VAV2: variants seen among roughly 807,000 people sequenced by gnomAD.
The protein encoded by VAV2 is guanine nucleotide exchange factor VAV2.
In VAV2, 67 loss-of-function variants were observed where a neutral mutation model predicts 132.5. The ratio of observed to expected loss-of-function variants is 0.51; its 90% confidence interval spans 0.42 to 0.62. The LOEUF (loss-of-function observed/expected upper bound fraction) is 0.62, where lower values mean the gene tolerates loss of function less well. Among genes scored for constraint, VAV2 ranks in the 20% least tolerant of loss-of-function variants. VAV2 has a pLI of 0.00. For missense variants in VAV2, 938 were observed against 1,153.6 expected (o/e 0.81, Z 2.71); for synonymous variants, 492 against 443.5 (o/e 1.11, Z -1.37).
At chr9:133,888,267 G>A (rs866631003) in intron 2 of VAV2, among the ~76,000 whole-genome samples, 5 of 152,370 alleles carry the variant, frequency 3.3e-5, no homozygotes, top group Middle Eastern at 3.4e-3. Flanking sequence ...AGCAGTTCGG[G>A]AGACGGACGG....
At chr9:133,798,764 G>A (rs1289251866) in intron 9 of VAV2, among the ~76,000 whole-genome samples, 2 of 152,204 alleles carry the variant, frequency 1.3e-5, no homozygotes, top group African/African-American at 4.8e-5. Flanking sequence ...TGACTTTTTT[G>A]CCCATTTGTA....
intron 1 of VAV2, among the ~76,000 whole-genome samples, chr9:133,967,981 CT>C (rs1842203772): frequency 6.8e-6 from 1 of 147,048 alleles, no homozygotes; most frequent in Non-Finnish European, 1.5e-5. Context: ...TGATGTCTCT[CT>C]CATATGTTAA....
chr9:133,841,214 C>A (rs1490189709), intron 3 of VAV2, among the ~76,000 whole-genome samples: 1 of 151,962 alleles, frequency 6.6e-6, no homozygotes, highest in Non-Finnish European at 1.5e-5. Flanking sequence ...GGAGCACGAC[C>A]GCTTGTTGGT....
Position 133,802,210 on chromosome 9 carries a change from C to A in VAV2, c.836+3871G>T, listed in dbSNP as rs889217840. 7.9e-5 allele frequency among the ~76,000 whole-genome samples: 12 copies of A among 152,060 alleles called. No homozygotes were observed. Among genetic ancestry groups the A allele is most frequent in the Admixed American group, 6.6e-4 (10 of 15,262 alleles). ...AAAAGTTTACAGGCCTTAATTCTAA[C>A]CACATTTACTACTGTTAAGAAAAAG... On this transcript the variant is annotated intron_variant, in intron 9 of 29. Transcript: ENST00000371850. The surrounding 1 kb of genome is among the most constrained non-coding windows in gnomAD (Gnocchi z 5.8).
chr9:133,785,874 G>A lies in VAV2; in HGVS notation c.1434C>T (p.Gly478=), dbSNP rs1834196550. The change falls in exon 17 of 30, where the codon GGC becomes GGT. Residue 478 remains glycine (G), a synonymous_variant. Transcript: ENST00000371850. ...TTCCTTGAAGGTGAATTAGGTAGAA[G>A]CCGTAGGACCACTGCAGGGGGGAGA... ...KKSHGKMWSY[G]FYLIHLQGKQ... The A allele has an allele frequency of 5.0e-6, 8 of 1,613,542 alleles. No homozygotes were observed. The highest frequency in any genetic ancestry group is 1.7e-5 in the Admixed American group (1 of 59,964).
intron 2 of VAV2, among the ~76,000 whole-genome samples, chr9:133,911,962 C>T (rs762229703): frequency 2.0e-5 from 3 of 152,184 alleles, no homozygotes; most frequent in Non-Finnish European, 2.9e-5. Flanking sequence ...CAGGGGTACA[C>T]GTGCAGGATG....
intron 2 of VAV2, among the ~76,000 whole-genome samples, chr9:133,864,006 G>A (rs1031179120): frequency 2.0e-5 from 3 of 152,212 alleles, no homozygotes; most frequent in African/African-American, 7.2e-5. Context: ...GACAGACAGA[G>A]AGCTGGGTGT....
chr9:133,932,964 T>C (rs933907978), intron 2 of VAV2, among the ~76,000 whole-genome samples: 1 of 152,182 alleles, frequency 6.6e-6, no homozygotes, highest in African/African-American at 2.4e-5. Context: ...AAGGAAACCC[T>C]CTACACCTGT....
chr9:133,932,339 TCA>T (rs1377089149), intron 2 of VAV2, among the ~76,000 whole-genome samples: 1 of 152,164 alleles, frequency 6.6e-6, no homozygotes, highest in East Asian at 1.9e-4. Flanking sequence ...GACTCACCCT[TCA>T]CGCTCGGCCA....
intron 3 of VAV2, among the ~76,000 whole-genome samples, chr9:133,852,180 C>T (rs529460666): frequency 3.3e-5 from 5 of 150,348 alleles, no homozygotes; most frequent in South Asian, 2.1e-4. Flanking sequence ...GTAGATGTAG[C>T]GATGAGGGGA....
At position 133,777,446 on chromosome 9, in the gene VAV2, G is replaced by A; in HGVS notation, c.1908C>T (p.Thr636=). 6.2e-7 allele frequency: 1 copy of A among 1,613,718 alleles called. No homozygotes were observed. The highest frequency in any genetic ancestry group is 8.5e-7 in the Non-Finnish European group (1 of 1,180,012). The change falls in exon 23 of 30, where the codon ACC becomes ACT. Residue 636 remains threonine (T), a synonymous_variant. Coordinates refer to ENST00000371850, the MANE Select transcript of VAV2 (RefSeq NM_001134398.2). ...SPWWEGRLVQ[T]RKSGYFPSSS... ...AGCTGGGGAAATACCCTGACTTCCTGGTTTGTACCAGACGACCCTGGCAGA... is the reference window on the plus strand; with the variant it reads ...AGCTGGGGAAATACCCTGACTTCCTAGTTTGTACCAGACGACCCTGGCAGA...
At chr9:133,772,108 G>T in intron 25 of VAV2, 62 bp from the exon 26 acceptor site, 1 of 1,433,194 alleles carries the variant, frequency 7.0e-7, no homozygotes. Context: ...GGCCCCCTTG[G>T]CAGCCAGGCT....
intron 12 of VAV2, among the ~76,000 whole-genome samples, chr9:133,795,335 G>A (rs1834664926): frequency 2.0e-5 from 3 of 152,296 alleles, no homozygotes; most frequent in Admixed American, 2.0e-4. Flanking sequence ...CCTCAGTGCT[G>A]GGAGTGAGAA....
rs1374757354 is a variant in VAV2 at position 133,762,947 on chromosome 9, C to T, written c.*1115G>A. 1 of 152,710 alleles carries T rather than the reference C, an allele frequency of 6.5e-6. No homozygotes were observed. Among genetic ancestry groups the T allele is most frequent in the Non-Finnish European group, 1.5e-5 (1 of 68,132 alleles). 9.5% of individuals were successfully genotyped at this position (152,710 alleles called of 1,614,324 possible). On this transcript the variant is annotated 3_prime_UTR_variant, in exon 30 of 30. Coordinates refer to ENST00000371850, the MANE Select transcript of VAV2 (RefSeq NM_001134398.2). This position sits in a 1 kb window ranked among gnomAD's most constrained non-coding sequence, Gnocchi z 5.0. ...TCATGCAACATCAGGGTAGAGAAAC[C>T]AGGGTCTGGCTAACCCAGCCAGAAG...
rs534626350 is a variant in VAV2, at chr9:133,834,998, C to T, written c.381-658G>A. ...AGGAACGCGGCGGTGCTCCCCCACA[C>T]TCCGCCCTCCAGATGCCCCAACCCT... On this transcript the variant is annotated intron_variant, in intron 3 of 29. Coordinates refer to ENST00000371850, the MANE Select transcript of VAV2 (RefSeq NM_001134398.2). The surrounding 1 kb of genome is among the most constrained non-coding windows in gnomAD (Gnocchi z 5.9). Among the ~76,000 whole-genome samples the T allele has an allele frequency of 7.0e-4, 107 of 152,358 alleles. No homozygotes were observed. Among genetic ancestry groups the T allele is most frequent in the African/African-American group, 2.3e-3 (97 of 41,580 alleles).
intron 1 of VAV2, among the ~76,000 whole-genome samples, chr9:133,954,777 T>TGCGA (rs1554817200): frequency 6.6e-6 from 1 of 151,842 alleles, no homozygotes; most frequent in African/African-American, 2.4e-5. Context: ...TGTGTGCACA[T>TGCGA]GTATGTGTGC....
rs1307073948 is a variant in VAV2, at chr9:133,823,986, G to T, written c.449+10286C>A. The stretch of plus-strand genomic sequence containing the variant: ...AAACGGCCTCTCCCTCAGTGGTGGG[G>T]GTGGGGGAGCAGGGTTTCGAGGTCA... On this transcript the variant is annotated intron_variant, in intron 4 of 29. Coordinates refer to ENST00000371850, the MANE Select transcript of VAV2 (RefSeq NM_001134398.2). The surrounding 1 kb of genome is among the most constrained non-coding windows in gnomAD (Gnocchi z 5.5). 6.6e-6 allele frequency among the ~76,000 whole-genome samples: 1 copy of T among 152,136 alleles called. No individual in the cohort carries two copies. Among genetic ancestry groups the T allele is most frequent in the Non-Finnish European group, 1.5e-5 (1 of 68,014 alleles).
At chr9:133,803,960 C>T (rs747158286) in intron 9 of VAV2, among the ~76,000 whole-genome samples, 3 of 152,118 alleles carry the variant, frequency 2.0e-5, no homozygotes, top group African/African-American at 4.8e-5. Context: ...CAGGGGGACA[C>T]GTCCTCCGCT....
At position 133,863,041 on chromosome 9, in the gene VAV2, G is replaced by A. The variant is rs1837660064; in HGVS notation, c.322-1609C>T. ...ACAAGACTCGATGGGCCCATTATGCGGCCAGCCCAGCCGCACTCCCATGCT... is the reference window on the plus strand; with the variant it reads ...ACAAGACTCGATGGGCCCATTATGCAGCCAGCCCAGCCGCACTCCCATGCT... On this transcript the variant is annotated intron_variant, in intron 2 of 29. Transcript: ENST00000371850. This position sits in a 1 kb window ranked among gnomAD's most constrained non-coding sequence, Gnocchi z 5.0. Among the ~76,000 whole-genome samples the A allele has an allele frequency of 1.3e-5, 2 of 152,140 alleles. No individual in the cohort carries two copies. Among genetic ancestry groups the A allele is most frequent in the Non-Finnish European group, 2.9e-5 (2 of 68,024 alleles).
Sources: gnomAD v4.1 joint callset for allele counts (sites outside exome capture counted in the v4.1 genomes callset) on GRCh38, gnomAD v4.1.1 for gene constraint, Gnocchi (gnomAD v3.1) non-coding constraint, MANE v1.5 for transcripts, NCBI Gene and HGNC (gene_info 2026-07-23, HGNC 2026-07-21) for gene names.